The following RIC8B variants were observed in gnomAD, a reference collection of about 807,000 sequenced individuals.
RIC8B encodes chaperone Ric-8B.
A neutral mutation model predicts 57.5 loss-of-function variants in RIC8B; 16 were observed. The ratio of observed to expected loss-of-function variants is 0.28; its 90% CI spans 0.19 to 0.42. RIC8B has a LOEUF of 0.42. Among genes scored for constraint, RIC8B ranks in the 10% least tolerant of loss-of-function variants. RIC8B has a pLI of 1.00. For missense variants in RIC8B, 481 were observed against 677.0 expected (o/e 0.71, Z 3.21); for synonymous variants, 216 against 250.8 (o/e 0.86, Z 1.31).
chr12:106,853,451 G>GTTTTTTTTTT (rs1949563485), intron 7 of RIC8B, among the ~76,000 whole-genome samples: 6 of 51,804 alleles, frequency 1.2e-4, no homozygotes, highest in East Asian at 7.7e-4. Context: ...CTGCTTTATA[G>GTTTTTTTTTT]TCTTTTTTTT....
intron 6 of RIC8B, among the ~76,000 whole-genome samples, chr12:106,850,221 T>C (rs898843031): frequency 3.3e-5 from 5 of 152,208 alleles, no homozygotes; most frequent in African/African-American, 1.2e-4. Context: ...GGCAAAATTA[T>C]CTTCCATGAA....
At position 106,869,579 on chromosome 12, in the gene RIC8B, T is replaced by A. The variant is rs141487930; in HGVS notation, c.1452-1244T>A. Among the ~76,000 whole-genome samples the A allele has an allele frequency of 2.8e-3, 423 of 152,294 alleles. 1 individual carries two copies. The highest frequency in any genetic ancestry group is 0.01 in the Middle Eastern group (3 of 294). On this transcript the variant is annotated intron_variant, in intron 8 of 9. Coordinates refer to ENST00000392837, the MANE Select transcript of RIC8B (RefSeq NM_001330145.2). ...GGCGTGGCTTCTGAAAGCGTTTATGTTCATAGACCCTAGAAAGCAATTTAT... is the reference window on the plus strand; with the variant it reads ...GGCGTGGCTTCTGAAAGCGTTTATGATCATAGACCCTAGAAAGCAATTTAT...
At chr12:106,834,038 AC>A (rs2136373558) in intron 4 of RIC8B, among the ~76,000 whole-genome samples, 2 of 152,322 alleles carry the variant, frequency 1.3e-5, no homozygotes, top group South Asian at 2.1e-4. Context: ...CCAGTAAGAT[AC>A]AAGTGCTATG....
At chr12:106,794,781 C>G (rs1226628916) in intron 2 of RIC8B, among the ~76,000 whole-genome samples, 6 of 152,134 alleles carry the variant, frequency 3.9e-5, no homozygotes, top group African/African-American at 1.4e-4. Context: ...AAAACAAGTT[C>G]TTTAGACTGA....
intron 2 of RIC8B, among the ~76,000 whole-genome samples, chr12:106,807,121 C>A (rs1427967349): frequency 6.6e-6 from 1 of 152,214 alleles, no homozygotes; most frequent in East Asian, 1.9e-4. Context: ...TCGCTTGTCT[C>A]CCTCTCCGCT....
At chr12:106,844,061 T>C in intron 6 of RIC8B, 114 bp downstream of exon 6, 1 of 766,584 alleles carries the variant, frequency 1.3e-6, no homozygotes. Context: ...AGAAACTCAG[T>C]CTTAATCTTT....
At position 106,880,304 on chromosome 12, in the gene RIC8B, A is replaced by T. The variant is rs181870574; in HGVS notation, c.1572-5600A>T. On this transcript the variant is annotated intron_variant, in intron 9 of 9. Coordinates refer to ENST00000392837, the MANE Select transcript of RIC8B (RefSeq NM_001330145.2). ...GGTTTAGAATATCTGCATTAGAAAC[A>T]AAGGCTTAGTAATAATGAGTTTGAG... 1.8e-3 allele frequency among the ~76,000 whole-genome samples: 281 copies of T among 152,348 alleles called. 1 individual carries two copies. Among genetic ancestry groups the T allele is most frequent in the African/African-American group, 6.3e-3 (260 of 41,588 alleles).
intron 3 of RIC8B, among the ~76,000 whole-genome samples, chr12:106,815,982 G>C (rs965303541): frequency 3.9e-5 from 6 of 152,144 alleles, no homozygotes; most frequent in Admixed American, 3.3e-4. Context: ...CCAAAGTGAC[G>C]CAGATTTGAT....
At chr12:106,796,402 G>C (rs1193428761) in intron 2 of RIC8B, among the ~76,000 whole-genome samples, 1 of 151,898 alleles carries the variant, frequency 6.6e-6, no homozygotes, top group African/African-American at 2.4e-5. Flanking sequence ...AAAAGAAATT[G>C]CTACAAAGCA....
rs1461818777 is a variant in RIC8B at position 106,793,609 on chromosome 12, A to G, written c.132+9565A>G. Reference sequence around the variant, plus strand: ...TGTGGAGCAATTTTTGCCCCAGGACATTTTTGAAGACAGTAGATCAGTCAA... The same window carrying G: ...TGTGGAGCAATTTTTGCCCCAGGACGTTTTTGAAGACAGTAGATCAGTCAA... On this transcript the variant is annotated intron_variant, in intron 2 of 9. Coordinates refer to ENST00000392837, the MANE Select transcript of RIC8B (RefSeq NM_001330145.2). Among the ~76,000 whole-genome samples, 13 of 152,286 alleles carry G rather than the reference A, an allele frequency of 8.5e-5. No individual in the cohort carries two copies. The East Asian group carries it at 2.5e-3, about 29-fold the overall frequency.
At chr12:106,813,383 G>T (rs2045427099) in intron 2 of RIC8B, among the ~76,000 whole-genome samples, 1 of 151,818 alleles carries the variant, frequency 6.6e-6, no homozygotes, top group African/African-American at 2.4e-5. Flanking sequence ...GTAGAGACGG[G>T]GTTCCACCAC....
At chr12:106,828,025 G>C (rs1393924230) in intron 4 of RIC8B, among the ~76,000 whole-genome samples, 6 of 152,212 alleles carry the variant, frequency 3.9e-5, no homozygotes, top group African/African-American at 1.4e-4. Context: ...CTATGTAATA[G>C]AGGTTTTTAA....
intron 2 of RIC8B, among the ~76,000 whole-genome samples, chr12:106,807,128 C>A (rs1020077725): frequency 2.6e-5 from 4 of 152,198 alleles, no homozygotes; most frequent in Non-Finnish European, 4.4e-5. Context: ...TCTCCCTCTC[C>A]GCTGCTACCA....
chr12:106,826,169 C>T (rs987221889), intron 4 of RIC8B, among the ~76,000 whole-genome samples: 16 of 152,232 alleles, frequency 1.1e-4, no homozygotes, highest in South Asian at 4.1e-4. Context: ...TGCTTTATAA[C>T]GATAACTTCT....
intron 3 of RIC8B, among the ~76,000 whole-genome samples, chr12:106,819,354 G>A (rs1488534836): frequency 2.0e-5 from 3 of 152,044 alleles, no homozygotes; most frequent in Non-Finnish European, 4.4e-5. Flanking sequence ...ATTTAACTTG[G>A]GGGATAAAAA....
At chr12:106,790,482 T>A (rs1306145977) in intron 2 of RIC8B, among the ~76,000 whole-genome samples, 2 of 152,234 alleles carry the variant, frequency 1.3e-5, no homozygotes, top group South Asian at 4.1e-4. Context: ...TAAAAGCACC[T>A]GTGTTTATTG....
chr12:106,820,485 G>A (rs1441931285), intron 3 of RIC8B, among the ~76,000 whole-genome samples: 2 of 152,172 alleles, frequency 1.3e-5, no homozygotes, highest in Non-Finnish European at 2.9e-5. Context: ...TCTTCCTCCT[G>A]TTTTAACACT....
intron 4 of RIC8B, among the ~76,000 whole-genome samples, chr12:106,828,689 C>A (rs941850388): frequency 6.6e-6 from 1 of 152,138 alleles, no homozygotes; most frequent in Non-Finnish European, 1.5e-5. Context: ...CACTTGCTGC[C>A]GCTGCTGCCA....
chr12:106,866,041 A>G (rs554228236), intron 8 of RIC8B, among the ~76,000 whole-genome samples: 2 of 151,610 alleles, frequency 1.3e-5, no homozygotes, highest in African/African-American at 4.8e-5. Context: ...TGCCTTTACC[A>G]CTCCATATCA....
Sources: allele counts gnomAD v4.1 joint callset (sites outside exome capture counted in the v4.1 genomes callset), GRCh38; gene constraint gnomAD v4.1.1; transcripts MANE v1.5; gene names NCBI Gene and HGNC (gene_info 2026-07-23, HGNC 2026-07-21).